Variants in SRFBP1 observed in about 807,000 individuals in gnomAD.
SRFBP1 encodes serum response factor binding protein 1.
A neutral mutation model predicts 45.5 loss-of-function variants in SRFBP1; 47 were observed. The ratio of observed to expected loss-of-function variants is 1.03; its 90% CI spans 0.82 to 1.32. SRFBP1 has a LOEUF of 1.32. SRFBP1 is among the 40% of genes most tolerant of loss of function. The pLI, the probability that SRFBP1 is intolerant of heterozygous loss-of-function variation, is 0.00. For missense variants in SRFBP1, 621 were observed against 484.6 expected (o/e 1.28, Z -2.64); for synonymous variants, 203 against 166.3 (o/e 1.22, Z -1.70).
At chr5:121,973,311 G>A (rs1752237814) in intron 1 of SRFBP1, among the ~76,000 whole-genome samples, 1 of 151,742 alleles carries the variant, frequency 6.6e-6, no homozygotes, top group South Asian at 2.1e-4. Flanking sequence ...AACTGAAGAA[G>A]TCATTGAAGG....
At position 122,020,483 on chromosome 5, in the gene SRFBP1, G is replaced by A. The variant is rs371959501; in HGVS notation, c.748G>A (p.Gly250Arg). ...DSSLSGNSDG[G>R]EEFCEEEKEY... Reference sequence around the variant, plus strand: ...CTCACTCTCTGGTAACAGTGATGGCGGAGAAGAATTTTGTGAAGAGGAGAA... The same window carrying A: ...CTCACTCTCTGGTAACAGTGATGGCAGAGAAGAATTTTGTGAAGAGGAGAA... The change falls in exon 6 of 8, where the codon GGA becomes AGA. Residue 250 changes from glycine to arginine, a missense_variant. By Grantham distance (125) the Gly-to-Arg change is moderately radical. Coordinates refer to ENST00000339397, the MANE Select transcript of SRFBP1 (RefSeq NM_152546.3). The A allele has an allele frequency of 4.0e-5, 65 of 1,614,088 alleles. No individual in the cohort carries two copies. Among genetic ancestry groups the A allele is most frequent in the East Asian group, 8.9e-5 (4 of 44,868 alleles).
At chr5:121,963,348 A>C (rs568803320) in intron 1 of SRFBP1, among the ~76,000 whole-genome samples, 13 of 152,172 alleles carry the variant, frequency 8.5e-5, no homozygotes, top group African/African-American at 1.4e-4. Flanking sequence ...ATAAACATAC[A>C]TTAAGCTTGT....
At chr5:121,999,030 C>A (rs1752797662) in intron 4 of SRFBP1, among the ~76,000 whole-genome samples, 1 of 151,968 alleles carries the variant, frequency 6.6e-6, no homozygotes, top group African/African-American at 2.4e-5. Context: ...TTCTTTAGAT[C>A]TTCTTGATTT....
intron 4 of SRFBP1, among the ~76,000 whole-genome samples, chr5:122,003,718 A>C (rs188236067): frequency 5.8e-4 from 88 of 152,110 alleles, no homozygotes; most frequent in African/African-American, 2.1e-3. Flanking sequence ...CCTCTCCATC[A>C]CTTGTTATCT....
intron 3 of SRFBP1, among the ~76,000 whole-genome samples, chr5:121,976,530 T>A (rs918885262): frequency 1.3e-5 from 2 of 151,920 alleles, no homozygotes; most frequent in Admixed American, 6.6e-5. Flanking sequence ...GTCTTGAGAA[T>A]AGCAATAAAA....
At chr5:122,068,846 A>T (rs931694300) in intron 2 of SRFBP1, among the ~76,000 whole-genome samples, 2 of 152,136 alleles carry the variant, frequency 1.3e-5, no homozygotes, top group Non-Finnish European at 2.9e-5. Flanking sequence ...TGGATGAATA[A>T]ATTAAGGAAT....
intron 4 of SRFBP1, among the ~76,000 whole-genome samples, chr5:122,010,127 T>G (rs1753060718): frequency 6.6e-6 from 1 of 152,140 alleles, no homozygotes; most frequent in African/African-American, 2.4e-5. Context: ...ACACTTTTGA[T>G]TTTCTCCAGC....
intron 4 of SRFBP1, among the ~76,000 whole-genome samples, chr5:122,003,757 T>G (rs1310752262): frequency 2.6e-5 from 4 of 152,202 alleles, no homozygotes; most frequent in Admixed American, 2.6e-4. Context: ...GCCATTCTTA[T>G]GGGTTAGAGG....
intron 2 of SRFBP1, chr5:122,065,457 A>T (rs1413152056): frequency 6.6e-6 from 1 of 152,112 alleles, no homozygotes; most frequent in East Asian, 1.9e-4. Context: ...TCAAAATTCT[A>T]TTATGGCACA....
intron 7 of SRFBP1, 32 bp from the exon 8 acceptor site, chr5:122,026,910 T>C: frequency 6.7e-7 from 1 of 1,496,660 alleles, no homozygotes; most frequent in Non-Finnish European, 9.2e-7. Context: ...TTTAAGTATA[T>C]AGTTATTATT....
intron 2 of SRFBP1, chr5:122,070,238 G>T (rs1754411183): frequency 2.2e-6 from 2 of 892,704 alleles, no homozygotes; most frequent in East Asian, 4.8e-5. Context: ...TGTTAATGAG[G>T]ACTTAGCTAA....
downstream of SRFBP1, chr5:122,078,052 A>C: frequency 7.3e-7 from 1 of 1,375,760 alleles, no homozygotes; most frequent in Non-Finnish European, 9.5e-7. Flanking sequence ...AACGGGGCTC[A>C]AATCACGTGA....
downstream of SRFBP1, chr5:122,077,222 C>A (rs1489647878): frequency 6.7e-7 from 1 of 1,493,948 alleles, no homozygotes; most frequent in Non-Finnish European, 8.9e-7. The surrounding 1 kb of genome is among the most constrained non-coding windows in gnomAD (Gnocchi z 4.9). Context: ...TCCAGGGCTG[C>A]CACTGCAGGC....
At chr5:121,990,974 T>C (rs903740911) in intron 3 of SRFBP1, among the ~76,000 whole-genome samples, 1 of 152,126 alleles carries the variant, frequency 6.6e-6, no homozygotes, top group Admixed American at 6.5e-5. Flanking sequence ...AGTTTGCTAC[T>C]TTTTAGCCAA....
chr5:122,043,785 TACTCA>T (rs1753808158), intron 2 of SRFBP1, among the ~76,000 whole-genome samples: 1 of 152,182 alleles, frequency 6.6e-6, no homozygotes, highest in Non-Finnish European at 1.5e-5. Context: ...CTGTGGCAGC[TACTCA>T]ACTCTGGTAT....
intron 2 of SRFBP1, chr5:122,066,013 C>A (rs975041867): frequency 1.4e-4 from 22 of 152,036 alleles, no homozygotes; most frequent in African/African-American, 5.3e-4. Flanking sequence ...TGATAGAGGG[C>A]AGCCTCAAGA....
At chr5:122,019,438 A>C in intron 5 of SRFBP1, 97 bp downstream of exon 5, 3 of 969,934 alleles carry the variant, frequency 3.1e-6, no homozygotes, top group Non-Finnish European at 4.6e-6. Context: ...TTCTATTATA[A>C]ATATAAGTTT....
chr5:122,045,399 T>C (rs370789544), intron 2 of SRFBP1, among the ~76,000 whole-genome samples: 2 of 152,304 alleles, frequency 1.3e-5, no homozygotes, highest in South Asian at 2.1e-4. Context: ...AAAAATGTCA[T>C]TGGTAGTTTC....
intron 4 of SRFBP1, among the ~76,000 whole-genome samples, chr5:122,016,447 T>A (rs908125280): frequency 3.9e-5 from 6 of 152,332 alleles, no homozygotes; most frequent in African/African-American, 1.2e-4. Flanking sequence ...ACTTCCAGAA[T>A]TAAAGTCTGA....
Sources: gnomAD v4.1 joint callset for allele counts (sites outside exome capture counted in the v4.1 genomes callset) on GRCh38, gnomAD v4.1.1 for gene constraint, Gnocchi (gnomAD v3.1) non-coding constraint, MANE v1.5 for transcripts, NCBI Gene and HGNC (gene_info 2026-07-23, HGNC 2026-07-21) for gene names.